SLC22A23: variants seen among roughly 807,000 people sequenced by gnomAD.
SLC22A23 encodes ion transporter protein.
Under a neutral mutation model 61.0 loss-of-function variants are expected in SLC22A23, and 26 were observed. That is an observed-to-expected ratio of 0.43 (90% CI 0.31 to 0.59). The LOEUF is 0.59. Ranked by LOEUF, SLC22A23 falls within the 20% of genes least tolerant of loss-of-function variation. SLC22A23 has a pLI of 0.11. For synonymous variants in SLC22A23, 430 were observed against 413.9 expected (o/e 1.04, Z -0.47); for missense variants, 796 against 934.7 (o/e 0.85, Z 1.94).
chr6:3,439,781 G>A (rs748026524), intron 1 of SLC22A23, among the ~76,000 whole-genome samples: 2 of 152,164 alleles, frequency 1.3e-5, no homozygotes, highest in African/African-American at 2.4e-5. Context: ...CAGGACAGCA[G>A]GGGTGGGAAA....
At chr6:3,321,169 G>A (rs72841808) in intron 4 of SLC22A23, among the ~76,000 whole-genome samples, 41,392 of 152,134 alleles carry the variant, frequency 0.27, 7,033 homozygotes, top group Non-Finnish European at 0.38. Context: ...TTTTCCGTGC[G>A]TTATTTCAGT....
At position 3,387,848 on chromosome 6, in the gene SLC22A23, G is replaced by C. The variant is rs1169925179; in HGVS notation, c.913+22340C>G. ...CTCTGATAAAGTTCTCTGAGGGTGAGTGGCAGGAAAGGAGAAGGCAGGCCG... is the reference window on the plus strand; with the variant it reads ...CTCTGATAAAGTTCTCTGAGGGTGACTGGCAGGAAAGGAGAAGGCAGGCCG... On this transcript the variant is annotated intron_variant, in intron 3 of 9. Transcript: ENST00000406686. This position sits in a 1 kb window ranked among gnomAD's most constrained non-coding sequence, Gnocchi z 5.0. 1.3e-5 allele frequency among the ~76,000 whole-genome samples: 2 copies of C among 152,186 alleles called. No individual in the cohort carries two copies. The highest frequency in any genetic ancestry group is 2.9e-5 in the Non-Finnish European group (2 of 68,038).
At chr6:3,301,760 C>T (rs1761628639) in intron 4 of SLC22A23, among the ~76,000 whole-genome samples, 1 of 152,226 alleles carries the variant, frequency 6.6e-6, no homozygotes, top group African/African-American at 2.4e-5. Flanking sequence ...ATTGCCCCAG[C>T]AATCTCAAGT....
chr6:3,398,789 G>A (rs1378514227), intron 3 of SLC22A23, among the ~76,000 whole-genome samples: 2 of 152,050 alleles, frequency 1.3e-5, no homozygotes, highest in Non-Finnish European at 2.9e-5. Context: ...CAGCACTTTG[G>A]GAGGCCGAGA....
intron 3 of SLC22A23, among the ~76,000 whole-genome samples, chr6:3,365,793 A>G (rs1372066856): frequency 2.6e-5 from 4 of 152,202 alleles, no homozygotes; most frequent in Non-Finnish European, 5.9e-5. Context: ...CCCTTAATGC[A>G]TGCATCCTTA....
chr6:3,396,842 T>C (rs766005017), intron 3 of SLC22A23, among the ~76,000 whole-genome samples: 1 of 152,174 alleles, frequency 6.6e-6, no homozygotes, highest in African/African-American at 2.4e-5. Context: ...TTCCGCTCAA[T>C]AAAACCTTGC....
At chr6:3,282,865 AAC>A (rs1759600987) in intron 9 of SLC22A23, among the ~76,000 whole-genome samples, 1 of 152,154 alleles carries the variant, frequency 6.6e-6, no homozygotes, top group Non-Finnish European at 1.5e-5. Flanking sequence ...AGCACCCATG[AAC>A]CACGACCCAG....
At position 3,456,533 on chromosome 6, in the gene SLC22A23, C is replaced by A; in HGVS notation, c.27G>T (p.Ala9=). ...GCTGCCGCCCAGGCCCGCCGCCCGC[C>A]GCCTCGCGCCGCCGGTCTATGGCCA... MAIDRRRE[A]AGGGPGRQPA... Residue 9 remains alanine (A), a synonymous_variant, in exon 1 of 10, where the codon GCG becomes GCT. Coordinates refer to ENST00000406686, the MANE Select transcript of SLC22A23 (RefSeq NM_015482.2). The surrounding 1 kb of genome is among the most constrained non-coding windows in gnomAD (Gnocchi z 7.1). The A allele has an allele frequency of 1.0e-6, 1 of 986,556 alleles. No individual in the cohort carries two copies. The highest frequency in any genetic ancestry group is 4.6e-5 in the South Asian group (1 of 21,902). The allele number at this position is 986,556 out of a possible 1,614,324, so 61.1% of individuals were successfully genotyped here.
In SLC22A23 at chr6:3,273,008, T is replaced by G; in HGVS notation, c.*47A>C. The G allele has an allele frequency of 6.7e-7, 1 of 1,481,884 alleles. No individual in the cohort carries two copies. Among genetic ancestry groups the G allele is most frequent in the Non-Finnish European group, 9.0e-7 (1 of 1,114,842 alleles). 91.8% of individuals were successfully genotyped at this position (1,481,884 alleles called of 1,614,324 possible). On this transcript the variant is annotated 3_prime_UTR_variant, in exon 10 of 10. Transcript: ENST00000406686. ...GTTCGGTCCCTGGTCTGTAAACCTG[T>G]GCCCAAGCTGCCCCAGACCCTGGAG... is the stretch of plus-strand genomic sequence containing the variant.
chr6:3,408,895 C>A (rs189659099), intron 3 of SLC22A23, among the ~76,000 whole-genome samples: 11 of 152,352 alleles, frequency 7.2e-5, no homozygotes, highest in Non-Finnish European at 1.0e-4. Flanking sequence ...TCCCGGCGCA[C>A]TTGCACACAT....
At chr6:3,391,284 A>G (rs2127487075) in intron 3 of SLC22A23, among the ~76,000 whole-genome samples, 1 of 152,348 alleles carries the variant, frequency 6.6e-6, no homozygotes, top group African/African-American at 2.4e-5. Context: ...ATGTGGGTTG[A>G]GCAACAGGTT....
At chr6:3,284,882 C>T (rs899542074) in intron 8 of SLC22A23, 197 bp downstream of exon 8, 10 of 1,533,684 alleles carry the variant, frequency 6.5e-6, no homozygotes, top group Admixed American at 2.0e-5. Flanking sequence ...AAGCACCAGT[C>T]GCTCTTTCTA....
intron 3 of SLC22A23, among the ~76,000 whole-genome samples, chr6:3,354,176 C>G (rs887703238): frequency 6.6e-6 from 1 of 152,208 alleles, no homozygotes; most frequent in African/African-American, 2.4e-5. Context: ...AAGCAAAACA[C>G]ACACACAGGC....
chr6:3,324,191 G>A lies in SLC22A23; in HGVS notation c.914-189C>T. On this transcript the variant is annotated intron_variant, in intron 3 of 9. Transcript: ENST00000406686. This position sits in a 1 kb window ranked among gnomAD's most constrained non-coding sequence, Gnocchi z 4.3. ...GCGCGTTGAGGCTCCAACTGGGAAG[G>A]GAAGTGAGACGGTTGTTCAAGGCCA... 1.6e-6 allele frequency: 1 copy of A among 640,098 alleles called. No individual in the cohort carries two copies. Among genetic ancestry groups the A allele is most frequent in the Non-Finnish European group, 2.7e-6 (1 of 374,216 alleles). 39.7% of individuals were successfully genotyped at this position (640,098 alleles called of 1,614,324 possible).
At chr6:3,448,069 A>T (rs892626174) in intron 1 of SLC22A23, among the ~76,000 whole-genome samples, 1 of 150,840 alleles carries the variant, frequency 6.6e-6, no homozygotes, top group Non-Finnish European at 1.5e-5. Flanking sequence ...TGCCCAGCTA[A>T]TTTTTGTATA....
At position 3,387,159 on chromosome 6, in the gene SLC22A23, C is replaced by T. The variant is rs1208827328; in HGVS notation, c.913+23029G>A. On this transcript the variant is annotated intron_variant, in intron 3 of 9. Coordinates refer to ENST00000406686, the MANE Select transcript of SLC22A23 (RefSeq NM_015482.2). This position sits in a 1 kb window ranked among gnomAD's most constrained non-coding sequence, Gnocchi z 5.0. ...CCTTTGCTGAAGAAATAAAGTGACT[C>T]ACTCCTAACAAACTAAGTGGAGAAA... Among the ~76,000 whole-genome samples, 1 of 152,218 alleles carries T rather than the reference C, an allele frequency of 6.6e-6. No homozygotes were observed. The highest frequency in any genetic ancestry group is 2.4e-5 in the African/African-American group (1 of 41,458).
Position 3,318,761 on chromosome 6 carries a change from C to T in SLC22A23, c.1082+5073G>A, listed in dbSNP as rs185276414. Among the ~76,000 whole-genome samples the T allele has an allele frequency of 3.3e-5, 5 of 152,180 alleles. No homozygotes were observed. Among genetic ancestry groups the T allele is most frequent in the Non-Finnish European group, 5.9e-5 (4 of 68,030 alleles). The stretch of plus-strand genomic sequence containing the variant: ...GTCTCCTGGTCACCTCATCCTGTCA[C>T]CCACCACAGTAGGATAGCAGGACAG... On this transcript the variant is annotated intron_variant, in intron 4 of 9. Coordinates refer to ENST00000406686, the MANE Select transcript of SLC22A23 (RefSeq NM_015482.2). This position sits in a 1 kb window ranked among gnomAD's most constrained non-coding sequence, Gnocchi z 4.3.
chr6:3,455,763 CG>C, intron 1 of SLC22A23, 142 bp downstream of exon 1: 1 of 1,016,964 alleles, frequency 9.8e-7, no homozygotes, highest in Non-Finnish European at 1.4e-6. Flanking sequence ...GTTTGGGGGA[CG>C]GAAGGAGATT....
At chr6:3,311,396 A>T (rs1762360121) in intron 4 of SLC22A23, among the ~76,000 whole-genome samples, 1 of 152,178 alleles carries the variant, frequency 6.6e-6, no homozygotes, top group Non-Finnish European at 1.5e-5. Context: ...TGAGATTCTG[A>T]AGAGATTCTA....
Sources: gnomAD v4.1 joint callset for allele counts (sites outside exome capture counted in the v4.1 genomes callset) on GRCh38, gnomAD v4.1.1 for gene constraint, Gnocchi (gnomAD v3.1) non-coding constraint, MANE v1.5 for transcripts, NCBI Gene and HGNC (gene_info 2026-07-23, HGNC 2026-07-21) for gene names.